LMBR1L: variants seen among roughly 807,000 people sequenced by gnomAD.
LMBR1L encodes protein LMBR1L.
Under a neutral mutation model 67.3 loss-of-function variants are expected in LMBR1L, and 47 were observed. That is an observed-to-expected ratio of 0.70 (90% CI 0.55 to 0.89). The LOEUF (loss-of-function observed/expected upper bound fraction) is 0.89. Among genes scored for constraint, LMBR1L ranks in the 40% least tolerant of loss-of-function variants. LMBR1L has a pLI of 0.00. For missense variants in LMBR1L, 533 were observed against 599.2 expected (o/e 0.89, Z 1.15); for synonymous variants, 247 against 250.3 (o/e 0.99, Z 0.13).
At position 49,110,582 on chromosome 12, in the gene LMBR1L, G is replaced by A. The variant is rs773284292; in HGVS notation, c.-27C>T. Reference sequence around the variant, plus strand: ...CTCTGCTCAGCATGACTGAAGCCGAGGTGCCTCTGGGCCCGGGGAGGACGA... The same window carrying A: ...CTCTGCTCAGCATGACTGAAGCCGAAGTGCCTCTGGGCCCGGGGAGGACGA... On this transcript the variant is annotated 5_prime_UTR_variant, in exon 1 of 17. Coordinates refer to ENST00000267102, the MANE Select transcript of LMBR1L (RefSeq NM_018113.4). 1 of 1,606,886 alleles carries A rather than the reference G, an allele frequency of 6.2e-7. No individual in the cohort carries two copies. The highest frequency in any genetic ancestry group is 1.7e-5 in the Admixed American group (1 of 59,992).
intron 5 of LMBR1L, chr12:49,104,144 A>T (rs1940582336): frequency 2.1e-6 from 1 of 475,882 alleles, no homozygotes; most frequent in Non-Finnish European, 3.7e-6. Flanking sequence ...AAAAAAGGTG[A>T]GGGTATGTTT....
intron 13 of LMBR1L, 86 bp from the exon 14 acceptor site, chr12:49,100,732 C>CTT (rs112884400): frequency 9.7e-4 from 788 of 811,660 alleles, no homozygotes; most frequent in African/African-American, 1.6e-3. Context: ...CAGCCCACTT[C>CTT]TTTTTTTTTT....
At chr12:49,110,277 C>A (rs1436850492) in intron 1 of LMBR1L, 6 of 601,846 alleles carry the variant, frequency 1.0e-5, no homozygotes, top group Non-Finnish European at 1.8e-5. Flanking sequence ...ACGGAAACGA[C>A]GGCCTTTGTT....
At position 49,097,997 on chromosome 12, in the gene LMBR1L, CAG is replaced by C. The variant is rs756531178; in HGVS notation, c.1347_1348del (p.Cys450SerfsTer34). 7 of 1,614,068 alleles carry C rather than the reference CAG, an allele frequency of 4.3e-6. No homozygotes were observed. In the South Asian group the frequency reaches 4.4e-5, roughly 10 times the overall value. On this transcript the variant is annotated frameshift_variant, in exon 16 of 17. Transcript: ENST00000267102. LOFTEE classifies it high-confidence loss of function. Reference sequence around the variant, plus strand: ...AGCTGCAGTGAAGGTCTTCACCAGACAGAGTGTGGTGAGGCCTGCAAAGGCTG... The same window carrying C: ...AGCTGCAGTGAAGGTCTTCACCAGACAGTGTGGTGAGGCCTGCAAAGGCTG...
intron 16 of LMBR1L, 25 bp downstream of exon 16, chr12:49,097,919 A>AG: frequency 6.2e-7 from 1 of 1,603,760 alleles, no homozygotes; most frequent in Non-Finnish European, 8.5e-7. Context: ...ACCCCCCACT[A>AG]GCCTGCACCC....
In LMBR1L at chr12:49,097,926, A is replaced by C; in HGVS notation, c.1402+18T>G. On this transcript the variant is annotated intron_variant, in intron 16 of 16. Transcript: ENST00000267102. ...TGATTACCACCCCCCACTAGCCTGC[A>C]CCCTCACTCCCTCTCACCAAAGGCC... 1 of 1,604,904 alleles carries C rather than the reference A, an allele frequency of 6.2e-7. No homozygotes were observed. Among genetic ancestry groups the C allele is most frequent in the Non-Finnish European group, 8.5e-7 (1 of 1,172,892 alleles).
At chr12:49,106,454 T>C (rs964915242) in intron 2 of LMBR1L, 1 of 647,676 alleles carries the variant, frequency 1.5e-6, no homozygotes, top group African/African-American at 1.9e-5. Flanking sequence ...GGGGCAAGTG[T>C]GCCCCCACCC....
chr12:49,109,660 G>A (rs779799079), intron 1 of LMBR1L: 7 of 456,046 alleles, frequency 1.5e-5, no homozygotes, highest in Admixed American at 7.0e-5. Flanking sequence ...GGAGAAAGGA[G>A]AGAGGTGAAA....
Position 49,110,636 on chromosome 12 carries a change from C to A in LMBR1L, c.-81G>T. ...GGGAGGAAGCCGCCGCCGCCAAGCA[C>A]CCAGACCCAGCCTAGGGGCCTTTCC... On this transcript the variant is annotated 5_prime_UTR_variant, in exon 1 of 17. Transcript: ENST00000267102. 4 of 1,260,126 alleles carry A rather than the reference C, an allele frequency of 3.2e-6. No homozygotes were observed. The highest frequency in any genetic ancestry group is 3.5e-6 in the Non-Finnish European group (3 of 861,394). The allele number at this position is 1,260,126 out of a possible 1,614,324, so 78.1% of individuals were successfully genotyped here.
rs758493914 is a variant in LMBR1L at position 49,103,639 on chromosome 12, T to A, written c.562+48A>T. 1.9e-6 allele frequency: 3 copies of A among 1,572,562 alleles called. No homozygotes were observed. The East Asian group carries it at 6.8e-5, about 36-fold the overall frequency. ...TACAGTCATTCCAGGCAGGGGGACA[T>A]GGGCCAACTGAAAAGCCATGCAGCC... is the stretch of plus-strand genomic sequence containing the variant. On this transcript the variant is annotated intron_variant, in intron 6 of 16. Transcript: ENST00000267102.
rs749770957 is a variant in LMBR1L at position 49,103,818 on chromosome 12, G to A, written c.436-5C>T. 29 of 1,606,342 alleles carry A rather than the reference G, an allele frequency of 1.8e-5. No homozygotes were observed. Among genetic ancestry groups the A allele is most frequent in the South Asian group, 1.1e-4 (10 of 89,960 alleles). ...ATAGACCCGGCCCAGGACACCCTAC[G>A]GGAGGAGGCAACCAGTGAAGAAGGT... On this transcript the variant is annotated splice_polypyrimidine_tract_variant and splice_region_variant and intron_variant, in intron 5 of 16. Transcript: ENST00000267102.
intron 15 of LMBR1L, 25 bp from the exon 16 acceptor site, chr12:49,098,130 A>ACC: frequency 8.1e-6 from 13 of 1,598,112 alleles, no homozygotes; most frequent in South Asian, 1.1e-5. Flanking sequence ...CCAGGATGAG[A>ACC]GGTGGGCTCC....
At chr12:49,101,075 C>T (rs112576747) in intron 13 of LMBR1L, 175 bp downstream of exon 13, 1 of 1,369,132 alleles carries the variant, frequency 7.3e-7, no homozygotes, top group Non-Finnish European at 9.6e-7. Flanking sequence ...ACCAGCCCTC[C>T]TTTCAAATTA....
At chr12:49,102,704 G>C (rs1412900453) in intron 8 of LMBR1L, among the ~76,000 whole-genome samples, 164 bp from the exon 9 acceptor site, 1 of 152,160 alleles carries the variant, frequency 6.6e-6, no homozygotes, top group Non-Finnish European at 1.5e-5. Context: ...CAATTGCCCT[G>C]TATTCTGCCC....
rs373682989 is a variant in LMBR1L, at chr12:49,103,848, A to G, written c.436-35T>C. ...GAGGCAACCAGTGAAGAAGGTTAAC[A>G]TCAGGGCAGTGTGGGAACATTGGAG... On this transcript the variant is annotated intron_variant, in intron 5 of 16. Transcript: ENST00000267102. The G allele has an allele frequency of 3.1e-6, 5 of 1,588,506 alleles. No individual in the cohort carries two copies. In the African/African-American group the frequency reaches 4.0e-5, roughly 13 times the overall value.
At position 49,101,559 on chromosome 12, in the gene LMBR1L, G is replaced by C; in HGVS notation, c.931-10C>G. Reference sequence around the variant, plus strand: ...TGAGCACAGACAGGCCCTGTGTGAGGCAAGGTCAGACTCCCATTCCACCCC... The same window carrying C: ...TGAGCACAGACAGGCCCTGTGTGAGCCAAGGTCAGACTCCCATTCCACCCC... On this transcript the variant is annotated splice_polypyrimidine_tract_variant and intron_variant, in intron 11 of 16. Coordinates refer to ENST00000267102, the MANE Select transcript of LMBR1L (RefSeq NM_018113.4). 6.2e-7 allele frequency: 1 copy of C among 1,605,420 alleles called. No individual in the cohort carries two copies.
At chr12:49,110,323 A>C (rs563231243) in intron 1 of LMBR1L, 161 bp downstream of exon 1, 2 of 681,740 alleles carry the variant, frequency 2.9e-6, no homozygotes, top group Admixed American at 2.2e-5. Context: ...CATCTAGGGG[A>C]TCGCTAGCCG....
intron 6 of LMBR1L, among the ~76,000 whole-genome samples, 183 bp downstream of exon 6, chr12:49,103,504 A>G (rs1940486876): frequency 6.6e-6 from 1 of 152,212 alleles, no homozygotes; most frequent in Non-Finnish European, 1.5e-5. Context: ...TTTTAAAACC[A>G]TTGCATGGGC....
intron 13 of LMBR1L, chr12:49,101,023 C>T: frequency 1.1e-6 from 1 of 951,804 alleles, no homozygotes; most frequent in Non-Finnish European, 1.5e-6. Context: ...GCCACTGCAC[C>T]TGGCCTCTTT....
Sources: gnomAD v4.1 joint callset for allele counts (sites outside exome capture counted in the v4.1 genomes callset) on GRCh38, gnomAD v4.1.1 for gene constraint, MANE v1.5 for transcripts, NCBI Gene and HGNC (gene_info 2026-07-23, HGNC 2026-07-21) for gene names.